The following DCDC1 variants were observed in gnomAD, a reference collection of about 807,000 sequenced individuals.
DCDC1 encodes the protein doublecortin domain-containing protein 1.
In DCDC1, 200 loss-of-function variants were observed where a neutral mutation model predicts 178.3. That is an observed-to-expected ratio of 1.12 (90% CI 1.00 to 1.26). The LOEUF (loss-of-function observed/expected upper bound fraction) is 1.26. Ranked by LOEUF, DCDC1 falls within the 50% of genes most tolerant of loss-of-function variation. The pLI is 0.00. For synonymous variants in DCDC1, 690 were observed against 604.8 expected (o/e 1.14, Z -2.07); for missense variants, 1,983 against 1,749.2 (o/e 1.13, Z -2.38).
chr11:31,187,424 T>G (rs1969636029), intron 9 of DCDC1, among the ~76,000 whole-genome samples: 1 of 152,120 alleles, frequency 6.6e-6, no homozygotes, highest in South Asian at 2.1e-4. Flanking sequence ...GCAAGATCAA[T>G]GACAGGAAAT....
At chr11:31,213,277 G>C (rs552715494) in intron 9 of DCDC1, among the ~76,000 whole-genome samples, 21 of 151,544 alleles carry the variant, frequency 1.4e-4, no homozygotes, top group Non-Finnish European at 2.5e-4. Context: ...TTCGCCTCAT[G>C]TCAAAATGAT....
intron 6 of DCDC1, among the ~76,000 whole-genome samples, chr11:31,298,001 C>T (rs1947824980): frequency 6.6e-6 from 1 of 152,180 alleles, no homozygotes; most frequent in Admixed American, 6.5e-5. Flanking sequence ...TCATCAGGAC[C>T]TCCTGAGGCT....
chr11:31,102,484 C>T (rs1381287672), intron 14 of DCDC1, among the ~76,000 whole-genome samples: 1 of 152,016 alleles, frequency 6.6e-6, no homozygotes, highest in Non-Finnish European at 1.5e-5. Flanking sequence ...TGAGTATGTC[C>T]CTCTAGACAT....
At position 30,894,389 on chromosome 11, in the gene DCDC1, G is replaced by A. The variant is rs770126881; in HGVS notation, c.4766-5C>T. 1.6e-5 allele frequency: 25 copies of A among 1,606,126 alleles called. No individual in the cohort carries two copies. Among genetic ancestry groups the A allele is most frequent in the Middle Eastern group, 1.7e-4 (1 of 6,038 alleles). Reference sequence around the variant, plus strand: ...GACATGCCGCTACTCGCCGCCCTGAGGAAACAAGTCTCTAGAAATTTTGTT... The same window carrying A: ...GACATGCCGCTACTCGCCGCCCTGAAGAAACAAGTCTCTAGAAATTTTGTT... On this transcript the variant is annotated splice_region_variant and splice_polypyrimidine_tract_variant and intron_variant, in intron 34 of 38. Transcript: ENST00000684477.
intron 9 of DCDC1, among the ~76,000 whole-genome samples, chr11:31,165,694 TG>T (rs2136191037): frequency 6.6e-6 from 1 of 152,340 alleles, no homozygotes; most frequent in East Asian, 1.9e-4. Flanking sequence ...GTAATTTTCT[TG>T]TTGATTTGTA....
At position 30,922,509 on chromosome 11, in the gene DCDC1, T is replaced by C. The variant is rs1946314776; in HGVS notation, c.3127A>G (p.Ile1043Val). ...AAATAATTCCAATGCTTACCTTCTA[T>C]TTTATGTGTGCTGCAGAAGATTTGA... ...KIQIFCSTHK[I>V]EALVLEVQSD... The change falls in exon 24 of 39, where the codon ATA (isoleucine) becomes GTA (valine). Residue 1043 changes from isoleucine to valine, a missense_variant. Physicochemically the swap from Ile to Val is conservative, Grantham distance 29. Transcript: ENST00000684477. The C allele has an allele frequency of 1.3e-6, 2 of 1,540,696 alleles. No individual in the cohort carries two copies. Among genetic ancestry groups the C allele is most frequent in the African/African-American group, 2.8e-5 (2 of 70,214 alleles).
chr11:31,072,606 C>A lies in DCDC1; in HGVS notation c.2298+5259G>T, dbSNP rs1050371624. 2.0e-5 allele frequency among the ~76,000 whole-genome samples: 3 copies of A among 151,936 alleles called. No homozygotes were observed. The South Asian group carries it at 6.2e-4, about 31-fold the overall frequency. Reference sequence around the variant, plus strand: ...CTGTTTTATGGTTCCACGTTTAAATCTTTAATTTAGCTGAAACTATGAATT... The same window carrying A: ...CTGTTTTATGGTTCCACGTTTAAATATTTAATTTAGCTGAAACTATGAATT... On this transcript the variant is annotated intron_variant, in intron 18 of 38. Transcript: ENST00000684477.
At chr11:30,961,106 A>G (rs1221337465) in intron 20 of DCDC1, among the ~76,000 whole-genome samples, 2 of 152,156 alleles carry the variant, frequency 1.3e-5, no homozygotes, top group Non-Finnish European at 2.9e-5. Flanking sequence ...TATTCAATTA[A>G]TCTTTTAAAG....
intron 9 of DCDC1, among the ~76,000 whole-genome samples, chr11:31,195,215 A>G (rs2136383048): frequency 6.6e-6 from 1 of 152,200 alleles, no homozygotes; most frequent in Non-Finnish European, 1.5e-5. Context: ...CGAAGAGTGG[A>G]CTTCAGTTAA....
chr11:31,178,939 C>T (rs1056953007), intron 9 of DCDC1, among the ~76,000 whole-genome samples: 1 of 152,190 alleles, frequency 6.6e-6, no homozygotes. Context: ...GACTTGCCCA[C>T]CTCAGCTTCC....
In DCDC1 at chr11:30,895,803, T is replaced by C. The variant is rs139759709; in HGVS notation, c.4766-1419A>G. 1.3e-4 allele frequency among the ~76,000 whole-genome samples: 20 copies of C among 152,328 alleles called. No individual in the cohort carries two copies. In the East Asian group the frequency reaches 3.7e-3, roughly 28 times the overall value. ...CTCACAAATACGTAACACAAATTTA[T>C]ACTAAATATAGTTTTTACCCAACTC... On this transcript the variant is annotated intron_variant, in intron 34 of 38. Coordinates refer to ENST00000684477, the MANE Select transcript of DCDC1 (RefSeq NM_001387274.1).
intron 9 of DCDC1, among the ~76,000 whole-genome samples, chr11:31,239,155 T>G (rs1976808278): frequency 6.6e-6 from 1 of 152,072 alleles, no homozygotes; most frequent in Non-Finnish European, 1.5e-5. Context: ...ATTTATAAAC[T>G]TTAATTTGTT....
intron 26 of DCDC1, 51 bp from the exon 27 acceptor site, chr11:30,915,762 A>G (rs1002249431): frequency 1.3e-6 from 2 of 1,551,068 alleles, no homozygotes. Context: ...CATGCACTTG[A>G]TCATGCACTT....
chr11:31,175,501 C>T (rs903294302), intron 9 of DCDC1, among the ~76,000 whole-genome samples: 1 of 152,176 alleles, frequency 6.6e-6, no homozygotes, highest in Non-Finnish European at 1.5e-5. Flanking sequence ...GTGCACCAAG[C>T]ATACATGTGT....
At chr11:31,339,830 A>C (rs1950453791) in intron 1 of DCDC1, among the ~76,000 whole-genome samples, 2 of 152,224 alleles carry the variant, frequency 1.3e-5, no homozygotes, top group African/African-American at 4.8e-5. Context: ...TAGCCAAATA[A>C]TTTATCATCC....
At chr11:31,264,335 A>G (rs990534190) in intron 8 of DCDC1, among the ~76,000 whole-genome samples, 9 of 152,320 alleles carry the variant, frequency 5.9e-5, no homozygotes, top group Admixed American at 4.6e-4. Flanking sequence ...GGGTGCATAC[A>G]TACAAAAAAG....
At chr11:31,225,439 G>A (rs1374887042) in intron 9 of DCDC1, among the ~76,000 whole-genome samples, 3 of 151,592 alleles carry the variant, frequency 2.0e-5, no homozygotes, top group African/African-American at 4.8e-5. Flanking sequence ...CAGGTGACAG[G>A]TGCATCAAAA....
chr11:31,137,553 T>A, intron 10 of DCDC1, 139 bp downstream of exon 10: 1 of 483,904 alleles, frequency 2.1e-6, no homozygotes, highest in Non-Finnish European at 3.7e-6. Flanking sequence ...TTTCACCATG[T>A]TGGTCAGGCT....
intron 12 of DCDC1, 90 bp downstream of exon 12, chr11:31,110,170 T>C (rs1591076814): frequency 1.6e-6 from 1 of 614,906 alleles, no homozygotes; most frequent in Non-Finnish European, 2.9e-6. Flanking sequence ...ATTGATCTTC[T>C]GCAAACAACT....
Sources: allele counts gnomAD v4.1 joint callset (sites outside exome capture counted in the v4.1 genomes callset), GRCh38; gene constraint gnomAD v4.1.1; transcripts MANE v1.5; gene names NCBI Gene and HGNC (gene_info 2026-07-23, HGNC 2026-07-21).